CBFA2T3: variants seen among roughly 807,000 people sequenced by gnomAD.
CBFA2T3 encodes the protein transcriptional corepressor CBFA2T3.
In CBFA2T3, 31 loss-of-function variants were observed where a neutral mutation model predicts 58.6. The observed-to-expected ratio is 0.53, with a 90% confidence interval of 0.40 to 0.71. The LOEUF (loss-of-function observed/expected upper bound fraction) is 0.71. Among genes scored for constraint, CBFA2T3 ranks in the 30% least tolerant of loss-of-function variants. CBFA2T3 has a pLI of 0.00. For synonymous variants in CBFA2T3, 531 were observed against 421.9 expected (o/e 1.26, Z -3.17); for missense variants, 1,076 against 963.1 (o/e 1.12, Z -1.55).
At chr16:88,900,974 C>G (rs1377247084) in intron 2 of CBFA2T3, among the ~76,000 whole-genome samples, 1 of 152,260 alleles carries the variant, frequency 6.6e-6, no homozygotes, top group Non-Finnish European at 1.5e-5. Flanking sequence ...CCCTGGCCCC[C>G]GTGCTCAGCC....
chr16:88,937,144 G>A (rs1179192399), intron 1 of CBFA2T3: 2 of 152,412 alleles, frequency 1.3e-5, no homozygotes, highest in East Asian at 3.9e-4. Context: ...CCGGCCTACG[G>A]AAGCGCAGAA....
At chr16:88,933,200 T>C (rs1350552290) in intron 1 of CBFA2T3, among the ~76,000 whole-genome samples, 1 of 152,252 alleles carries the variant, frequency 6.6e-6, no homozygotes, top group Non-Finnish European at 1.5e-5. Flanking sequence ...TTTGCCTCAC[T>C]GGTCAACTCC....
intron 1 of CBFA2T3, among the ~76,000 whole-genome samples, chr16:88,946,029 C>T (rs1026757238): frequency 1.2e-4 from 19 of 152,136 alleles, no homozygotes; most frequent in African/African-American, 4.6e-4. Flanking sequence ...CATTGATGGC[C>T]GGGCGTGGTG....
Position 88,889,683 on chromosome 16 carries a change from C to T in CBFA2T3, c.711+2199G>A, listed in dbSNP as rs544165682. Among the ~76,000 whole-genome samples the T allele has an allele frequency of 1.1e-4, 16 of 152,000 alleles. No individual in the cohort carries two copies. The South Asian group carries it at 3.3e-3, about 32-fold the overall frequency. On this transcript the variant is annotated intron_variant, in intron 5 of 11. Coordinates refer to ENST00000268679, the MANE Select transcript of CBFA2T3 (RefSeq NM_005187.6). Reference sequence around the variant, plus strand: ...GTCTGTGAGAGACCTTCCTGAAGCACTCCTCCTCCTCCAGGGACGACACCC... The same window carrying T: ...GTCTGTGAGAGACCTTCCTGAAGCATTCCTCCTCCTCCAGGGACGACACCC...
chr16:88,967,168 C>CA (rs71158774), intron 1 of CBFA2T3, among the ~76,000 whole-genome samples: 4 of 113,128 alleles, frequency 3.5e-5, no homozygotes, highest in East Asian at 2.2e-4. Context: ...TGCCACCCCC[C>CA]AGCCCCCGAG....
rs553597663 is a variant in CBFA2T3, at chr16:88,974,558, C to T, written c.151+2099G>A. On this transcript the variant is annotated intron_variant, in intron 1 of 11. Transcript: ENST00000268679. Reference sequence around the variant, plus strand: ...CGCCACCAAACGCGCAGCAACACAGCCCTGCTCAGTACGCCTTTGGTCTAA... The same window carrying T: ...CGCCACCAAACGCGCAGCAACACAGTCCTGCTCAGTACGCCTTTGGTCTAA... Among the ~76,000 whole-genome samples the T allele has an allele frequency of 3.3e-5, 5 of 152,192 alleles. No individual in the cohort carries two copies. The South Asian group carries it at 1.0e-3, about 31-fold the overall frequency.
intron 1 of CBFA2T3, among the ~76,000 whole-genome samples, chr16:88,963,306 C>T (rs1195634713): frequency 2.7e-5 from 4 of 148,384 alleles, no homozygotes; most frequent in African/African-American, 7.4e-5. Context: ...CGCTCATCTT[C>T]TGCCAGGGGC....
Position 88,887,323 on chromosome 16 carries a change from G to A in CBFA2T3, c.712-1181C>T, listed in dbSNP as rs778205386. ...GCATGAGCTGGGAAACGAGGTCCCGGGAGGTCTGAGGAGCCAAACATCCTC... is the reference window on the plus strand; with the variant it reads ...GCATGAGCTGGGAAACGAGGTCCCGAGAGGTCTGAGGAGCCAAACATCCTC... On this transcript the variant is annotated intron_variant, in intron 5 of 11. Coordinates refer to ENST00000268679, the MANE Select transcript of CBFA2T3 (RefSeq NM_005187.6). Among the ~76,000 whole-genome samples, 6 of 152,242 alleles carry A rather than the reference G, an allele frequency of 3.9e-5. No homozygotes were observed. In the East Asian group the frequency reaches 9.7e-4, roughly 25 times the overall value.
At chr16:88,938,869 G>C (rs745799794) in intron 1 of CBFA2T3, 1 of 152,242 alleles carries the variant, frequency 6.6e-6, no homozygotes, top group African/African-American at 2.4e-5. Context: ...CCTGCTAACG[G>C]TGCAGCAGGG....
At chr16:88,881,695 A>G (rs1018762105) in intron 8 of CBFA2T3, 3 of 555,646 alleles carry the variant, frequency 5.4e-6, no homozygotes, top group African/African-American at 3.8e-5. Context: ...TGGGGGTACC[A>G]GACTCACATG....
Position 88,940,102 on chromosome 16 carries a change from G to A in CBFA2T3, c.151+36555C>T, listed in dbSNP as rs143069423. On this transcript the variant is annotated intron_variant, in intron 1 of 11. Coordinates refer to ENST00000268679, the MANE Select transcript of CBFA2T3 (RefSeq NM_005187.6). Reference sequence around the variant, plus strand: ...GCTACCGACAAGCCCCCACCCACAGGAGCACGCGACGTGCTCTCTTTTCAA... The same window carrying A: ...GCTACCGACAAGCCCCCACCCACAGAAGCACGCGACGTGCTCTCTTTTCAA... The A allele has an allele frequency of 2.9e-3, 444 of 153,788 alleles. 4 individuals carry two copies. Among genetic ancestry groups the A allele is most frequent in the East Asian group, 0.022 (115 of 5,186 alleles). 9.5% of individuals were successfully genotyped at this position (153,788 alleles called of 1,614,324 possible).
At chr16:88,906,541 C>G (rs771587551) in intron 1 of CBFA2T3, among the ~76,000 whole-genome samples, 1 of 152,244 alleles carries the variant, frequency 6.6e-6, no homozygotes, top group Non-Finnish European at 1.5e-5. Flanking sequence ...CACCAGTGTC[C>G]TGGTGCAATG....
chr16:88,888,235 T>C (rs944526054), intron 5 of CBFA2T3, among the ~76,000 whole-genome samples: 3 of 151,292 alleles, frequency 2.0e-5, no homozygotes, highest in African/African-American at 4.9e-5. Flanking sequence ...TCCTGCCGTT[T>C]CTAGGATGAT....
chr16:88,963,347 T>C (rs1350004575), intron 1 of CBFA2T3, among the ~76,000 whole-genome samples: 6 of 151,988 alleles, frequency 3.9e-5, no homozygotes, highest in Non-Finnish European at 7.4e-5. Context: ...GCTTTTTTTT[T>C]TTTTTAAGAA....
intron 1 of CBFA2T3, among the ~76,000 whole-genome samples, chr16:88,935,043 A>T (rs1971452190): frequency 6.6e-6 from 1 of 152,210 alleles, no homozygotes. Context: ...CCTGGCCAGA[A>T]GGACGCATTC....
Position 88,958,674 on chromosome 16 carries a change from C to T in CBFA2T3, c.151+17983G>A, listed in dbSNP as rs566013409. On this transcript the variant is annotated intron_variant, in intron 1 of 11. Coordinates refer to ENST00000268679, the MANE Select transcript of CBFA2T3 (RefSeq NM_005187.6). The surrounding 1 kb of genome is among the most constrained non-coding windows in gnomAD (Gnocchi z 4.0). ...CACTACCTTTGGAGGGAGACAAACT[C>T]GCTCCCCCAGGGCCGGGGGCTGGGG... Among the ~76,000 whole-genome samples, 3 of 152,204 alleles carry T rather than the reference C, an allele frequency of 2.0e-5. No homozygotes were observed. Among genetic ancestry groups the T allele is most frequent in the East Asian group, 3.9e-4 (2 of 5,156 alleles).
intron 3 of CBFA2T3, among the ~76,000 whole-genome samples, chr16:88,893,064 G>C (rs1018527515): frequency 4.6e-5 from 7 of 152,166 alleles, no homozygotes; most frequent in African/African-American, 1.7e-4. Flanking sequence ...GGAGGCACAG[G>C]AGACTTGGAA....
At chr16:88,893,536 C>T (rs937078392) in intron 3 of CBFA2T3, among the ~76,000 whole-genome samples, 1 of 152,204 alleles carries the variant, frequency 6.6e-6, no homozygotes, top group Non-Finnish European at 1.5e-5. Flanking sequence ...AGCTGGGACA[C>T]CCAAGGACAC....
intron 7 of CBFA2T3, 93 bp downstream of exon 7, chr16:88,884,953 T>C (rs1969297115): frequency 3.2e-6 from 3 of 930,440 alleles, no homozygotes; most frequent in Admixed American, 5.2e-5. Context: ...CAGCTGCCCG[T>C]GGTGCCCTGT....
Sources: allele counts gnomAD v4.1 joint callset (sites outside exome capture counted in the v4.1 genomes callset), GRCh38; gene constraint gnomAD v4.1.1; non-coding constraint Gnocchi (gnomAD v3.1); transcripts MANE v1.5; gene names NCBI Gene and HGNC (gene_info 2026-07-23, HGNC 2026-07-21).